Variants in DIAPH3 observed in about 807,000 individuals in gnomAD.
DIAPH3 encodes the protein protein diaphanous homolog 3.
In DIAPH3, 117 loss-of-function variants were observed where a neutral mutation model predicts 144.3. That is an observed-to-expected ratio of 0.81 (90% CI 0.70 to 0.95). The LOEUF (loss-of-function observed/expected upper bound fraction) is 0.95, where lower values mean the gene tolerates loss of function less well. DIAPH3 is among the 40% of genes least tolerant of loss of function. The probability of loss-of-function intolerance (pLI) is 0.00; values close to 1 mark genes in which losing one functional copy is unlikely to be tolerated. For synonymous variants in DIAPH3, 519 were observed against 488.9 expected, an observed-to-expected ratio of 1.06 and a Z score of -0.81; for missense variants, 1,421 against 1,412.7, an observed-to-expected ratio of 1.01 and a Z score of -0.09.
chr13:59,719,627 C>T (rs116522325), intron 27 of DIAPH3, among the ~76,000 whole-genome samples: 2 of 152,054 alleles, frequency 1.3e-5, no homozygotes, highest in Non-Finnish European at 1.5e-5. Flanking sequence ...TACCCTGCAA[C>T]CTGAATTTGT....
intron 24 of DIAPH3, among the ~76,000 whole-genome samples, chr13:59,812,769 G>C (rs757207805): frequency 3.3e-5 from 5 of 152,070 alleles, no homozygotes; most frequent in Non-Finnish European, 4.4e-5. Context: ...GATCCCTCAG[G>C]ATCTTCTAGG....
At chr13:59,688,263 A>G (rs952084357) in intron 27 of DIAPH3, among the ~76,000 whole-genome samples, 14 of 152,060 alleles carry the variant, frequency 9.2e-5, no homozygotes, top group Admixed American at 7.9e-4. Context: ...CACAATATTC[A>G]CCTGCAATTT....
At chr13:59,820,875 G>C (rs1159161783) in intron 24 of DIAPH3, among the ~76,000 whole-genome samples, 1 of 150,910 alleles carries the variant, frequency 6.6e-6, no homozygotes, top group African/African-American at 2.4e-5. Context: ...CTGACTTTTT[G>C]ATCGTACTTC....
At chr13:59,741,701 A>G (rs1345832372) in intron 27 of DIAPH3, among the ~76,000 whole-genome samples, 1 of 150,230 alleles carries the variant, frequency 6.7e-6, no homozygotes, top group African/African-American at 2.5e-5. Flanking sequence ...TGGGCAACAA[A>G]GCAAAAAAAA....
chr13:60,067,962 T>C (rs866733961), intron 4 of DIAPH3, among the ~76,000 whole-genome samples: 2 of 152,206 alleles, frequency 1.3e-5, no homozygotes, highest in South Asian at 2.1e-4. Flanking sequence ...CCATTATTTC[T>C]TAATAGAATC....
chr13:59,668,721 C>A (rs144181359), intron 27 of DIAPH3, among the ~76,000 whole-genome samples: 1 of 151,958 alleles, frequency 6.6e-6, no homozygotes, highest in Non-Finnish European at 1.5e-5. Flanking sequence ...CTTTCTTGAA[C>A]GAAACCAAGA....
At chr13:60,133,134 G>A (rs1203177779) in intron 1 of DIAPH3, 145 bp from the exon 2 acceptor site, 35 of 585,688 alleles carry the variant, frequency 6.0e-5, no homozygotes, top group East Asian at 2.6e-4. Flanking sequence ...ATATATAATC[G>A]TTTTAATCTC....
intron 17 of DIAPH3, among the ~76,000 whole-genome samples, chr13:59,954,186 C>A (rs1369314503): frequency 1.3e-5 from 2 of 152,180 alleles, no homozygotes; most frequent in Non-Finnish European, 2.9e-5. Context: ...TGATTTTCAA[C>A]TCCTTTCTAA....
At chr13:59,846,147 T>C (rs1046488244) in intron 22 of DIAPH3, among the ~76,000 whole-genome samples, 7 of 152,256 alleles carry the variant, frequency 4.6e-5, no homozygotes, top group Non-Finnish European at 7.4e-5. Context: ...AAAGCAGTCA[T>C]GAATACATGC....
intron 1 of DIAPH3, among the ~76,000 whole-genome samples, chr13:60,162,419 A>C (rs979643693): frequency 1.3e-5 from 2 of 152,194 alleles, no homozygotes. Context: ...TTCTCACATT[A>C]GGCAAAAATC....
At position 59,697,491 on chromosome 13, in the gene DIAPH3, A is replaced by AAAAAAAAAAAAAAAAAAAAAG. The variant is rs1555274392; in HGVS notation, c.3320-30646_3320-30645insCTTTTTTTTTTTTTTTTTTTT. 7.7e-5 allele frequency among the ~76,000 whole-genome samples: 6 copies of AAAAAAAAAAAAAAAAAAAAAG among 78,070 alleles called. 1 individual carries two copies. The highest frequency in any genetic ancestry group is 1.8e-4 in the African/African-American group (4 of 22,596). 51.2% of individuals were successfully genotyped at this position (78,070 alleles called of 152,430 possible). On this transcript the variant is annotated intron_variant, in intron 27 of 27. Coordinates refer to ENST00000400324, the MANE Select transcript of DIAPH3 (RefSeq NM_001042517.2). The stretch of plus-strand genomic sequence containing the variant: ...AAAAAAAAAAAAAAAAAAAAAAAAA[A>AAAAAAAAAAAAAAAAAAAAAG]AAGAAGAGGGGATTCAACTCATATA...
At chr13:59,778,853 T>A (rs755924165) in intron 25 of DIAPH3, among the ~76,000 whole-genome samples, 24 of 152,368 alleles carry the variant, frequency 1.6e-4, no homozygotes, top group East Asian at 3.9e-4. Flanking sequence ...TGATCTTCAG[T>A]TCCCCCGGTC....
intron 22 of DIAPH3, among the ~76,000 whole-genome samples, chr13:59,842,648 A>T (rs2042413604): frequency 6.6e-6 from 1 of 152,064 alleles, no homozygotes; most frequent in Non-Finnish European, 1.5e-5. Flanking sequence ...AGTCTAGAGG[A>T]CCACTCTAGA....
intron 4 of DIAPH3, among the ~76,000 whole-genome samples, chr13:60,071,029 T>G (rs2057186910): frequency 6.6e-6 from 1 of 152,208 alleles, no homozygotes; most frequent in African/African-American, 2.4e-5. Context: ...AATGTTTCTT[T>G]TTCTTAAACA....
At chr13:59,917,985 A>C (rs1262715697) in intron 18 of DIAPH3, among the ~76,000 whole-genome samples, 5 of 151,234 alleles carry the variant, frequency 3.3e-5, no homozygotes, top group African/African-American at 1.2e-4. Flanking sequence ...CAAAAAATAT[A>C]ATCACTGAAG....
intron 7 of DIAPH3, among the ~76,000 whole-genome samples, chr13:60,012,065 C>A (rs922570026): frequency 1.3e-5 from 2 of 152,042 alleles, no homozygotes; most frequent in African/African-American, 2.4e-5. Context: ...GCCTTATTCC[C>A]AATTACAAGC....
chr13:59,828,693 G>A (rs1476931476), intron 24 of DIAPH3, among the ~76,000 whole-genome samples: 2 of 150,420 alleles, frequency 1.3e-5, no homozygotes, highest in Non-Finnish European at 3.0e-5. Context: ...ACTGGGCACT[G>A]GATCTAGTAA....
At chr13:60,001,744 G>C (rs933400013) in intron 9 of DIAPH3, among the ~76,000 whole-genome samples, 1 of 152,182 alleles carries the variant, frequency 6.6e-6, no homozygotes, top group African/African-American at 2.4e-5. Context: ...AAATGTTCAA[G>C]TGTTTAAAGA....
chr13:59,679,282 T>C (rs2032808129), intron 27 of DIAPH3, among the ~76,000 whole-genome samples: 1 of 152,192 alleles, frequency 6.6e-6, no homozygotes, highest in Non-Finnish European at 1.5e-5. Context: ...TTGGTTTCTG[T>C]AAACAACTCA....
Sources: gnomAD v4.1 joint callset for allele counts (sites outside exome capture counted in the v4.1 genomes callset) on GRCh38, gnomAD v4.1.1 for gene constraint, MANE v1.5 for transcripts, NCBI Gene and HGNC (gene_info 2026-07-23, HGNC 2026-07-21) for gene names.